DNAJB1: variants seen among roughly 807,000 people sequenced by gnomAD.
The protein encoded by DNAJB1 is dnaJ homolog subfamily B member 1.
Under a neutral mutation model 24.0 loss-of-function variants are expected in DNAJB1, and 14 were observed. The observed-to-expected ratio is 0.58, with a 90% CI of 0.39 to 0.91. The LOEUF is 0.91. Ranked by LOEUF, DNAJB1 falls within the 40% of genes least tolerant of loss-of-function variation. The probability of loss-of-function intolerance (pLI) is 0.00; values close to 1 mark genes in which losing one functional copy is unlikely to be tolerated. For synonymous variants in DNAJB1, 262 were observed against 174.4 expected, an observed-to-expected ratio of 1.50 and a Z score of -3.96; for missense variants, 517 against 458.1, an observed-to-expected ratio of 1.13 and a Z score of -1.17.
At chr19:14,556,016 C>A (rs2073708489) in intron 1 of DNAJB1, among the ~76,000 whole-genome samples, 1 of 152,182 alleles carries the variant, frequency 6.6e-6, no homozygotes, top group Non-Finnish European at 1.5e-5. Flanking sequence ...CAAGTCTCAT[C>A]CCTCCTCTGC....
intron 2 of DNAJB1, among the ~76,000 whole-genome samples, chr19:14,524,029 A>G (rs187188622): frequency 6.6e-6 from 1 of 152,242 alleles, no homozygotes; most frequent in Non-Finnish European, 1.5e-5. Context: ...CTATCATTAC[A>G]CCCATTTTAC....
At position 14,515,164 on chromosome 19, in the gene DNAJB1, T is replaced by C. The variant is rs1232218108; in HGVS notation, c.*776A>G. 2 of 152,566 alleles carry C rather than the reference T, an allele frequency of 1.3e-5. No homozygotes were observed. The highest frequency in any genetic ancestry group is 2.4e-5 in the African/African-American group (1 of 41,420). 9.5% of individuals were successfully genotyped at this position (152,566 alleles called of 1,614,324 possible). ...GTCCATAGTCCATGAAACAAAAAAT[T>C]ACCTGGGCCACTGGTAAGCCCCACG... On this transcript the variant is annotated 3_prime_UTR_variant, in exon 3 of 3. Transcript: ENST00000254322.
At chr19:14,554,330 A>G (rs2073643465), upstream of DNAJB1, among the ~76,000 whole-genome samples, 3 of 152,168 alleles carry the variant, frequency 2.0e-5, no homozygotes, top group Admixed American at 2.0e-4. Flanking sequence ...TAGGACACAC[A>G]GAAGTTTCAG....
chr19:14,540,038 C>T (rs931414994), intron 1 of DNAJB1, among the ~76,000 whole-genome samples: 4 of 151,242 alleles, frequency 2.6e-5, no homozygotes, highest in African/African-American at 9.7e-5. Flanking sequence ...CGCCACCATG[C>T]CTGGCTAATT....
At chr19:14,537,621 C>T (rs2072948383) in intron 1 of DNAJB1, among the ~76,000 whole-genome samples, 1 of 152,166 alleles carries the variant, frequency 6.6e-6, no homozygotes, top group Non-Finnish European at 1.5e-5. Context: ...GGTCTTAACA[C>T]CTTCTTGCTG....
rs71166754 is a variant in DNAJB1 at position 14,542,347 on chromosome 19, G to GTTTTTTTTTTTTTTTTTT, written c.-214+7843_-214+7860dup. Among the ~76,000 whole-genome samples, 12 of 43,300 alleles carry GTTTTTTTTTTTTTTTTTT rather than the reference G, an allele frequency of 2.8e-4. 2 individuals are homozygous for GTTTTTTTTTTTTTTTTTT. Among genetic ancestry groups the GTTTTTTTTTTTTTTTTTT allele is most frequent in the South Asian group, 9.3e-4 (1 of 1,080 alleles). 28.4% of individuals were successfully genotyped at this position (43,300 alleles called of 152,430 possible). ...CCTCAGGGGGCCCTCATGCCATAGT[G>GTTTTTTTTTTTTTTTTTT]TTTTTTTTTTTTTTTTTTTTTTTTT... On this transcript the variant is annotated intron_variant, in intron 1 of 3. Transcript: ENST00000676982.
chr19:14,550,349 C>T (rs150601058), upstream of DNAJB1, among the ~76,000 whole-genome samples: 2 of 152,170 alleles, frequency 1.3e-5, no homozygotes, highest in African/African-American at 2.4e-5. Context: ...AGTCTAGGCT[C>T]TTTGGCAAGC....
Position 14,516,453 on chromosome 19 carries a change from C to T in DNAJB1, c.792+13G>A. ...ATCGCCCTCTACAGACACCGCCCCACCTGGCACCTTACCTCCCGGAGGCTG... is the reference window on the plus strand; with the variant it reads ...ATCGCCCTCTACAGACACCGCCCCATCTGGCACCTTACCTCCCGGAGGCTG... On this transcript the variant is annotated intron_variant, in intron 2 of 2. Transcript: ENST00000254322. 6.2e-7 allele frequency: 1 copy of T among 1,608,428 alleles called. No homozygotes were observed. The highest frequency in any genetic ancestry group is 2.2e-5 in the East Asian group (1 of 44,770).
intron 2 of DNAJB1, among the ~76,000 whole-genome samples, chr19:14,525,631 A>G (rs2072411966): frequency 6.6e-6 from 1 of 152,202 alleles, no homozygotes. Context: ...GACAGAAAGC[A>G]GATGAATGCT....
At chr19:14,546,896 G>T (rs1197283978) in intron 1 of DNAJB1, among the ~76,000 whole-genome samples, 1 of 152,136 alleles carries the variant, frequency 6.6e-6, no homozygotes, top group Admixed American at 6.6e-5. Context: ...CACTATGTTG[G>T]CCAGGCTGGT....
chr19:14,518,464 C>T (rs1398183319), upstream of DNAJB1: 12 of 808,210 alleles, frequency 1.5e-5, no homozygotes, highest in Middle Eastern at 4.2e-4. Context: ...CCAGCCCCCT[C>T]CAGAACCTTC....
chr19:14,548,179 G>A (rs921452749), intron 1 of DNAJB1, among the ~76,000 whole-genome samples: 3 of 151,808 alleles, frequency 2.0e-5, no homozygotes, highest in Non-Finnish European at 4.4e-5. Flanking sequence ...AGCCAGGATC[G>A]TGTCGATCTC....
chr19:14,542,292 TC>T, intron 1 of DNAJB1, among the ~76,000 whole-genome samples: 1 of 148,098 alleles, frequency 6.8e-6, no homozygotes, highest in Admixed American at 6.9e-5. Flanking sequence ...CCTAAAAGAT[TC>T]CCTATTGGAG....
intron 1 of DNAJB1, chr19:14,536,816 G>A (rs1599419596): frequency 6.6e-6 from 1 of 152,074 alleles, no homozygotes; most frequent in African/African-American, 2.4e-5. Context: ...CGTTTCAAGG[G>A]TTTCTTGGTC....
At chr19:14,546,979 G>A (rs559937557) in intron 1 of DNAJB1, among the ~76,000 whole-genome samples, 2 of 152,216 alleles carry the variant, frequency 1.3e-5, no homozygotes, top group Non-Finnish European at 2.9e-5. Context: ...ACAGGCATGA[G>A]CCACTGCACC....
chr19:14,539,943 G>GAT (rs2073039189), intron 1 of DNAJB1, among the ~76,000 whole-genome samples: 1 of 151,346 alleles, frequency 6.6e-6, no homozygotes, highest in South Asian at 2.1e-4. Context: ...GCAGTGGTGG[G>GAT]ATTTTGGCTC....
At chr19:14,549,357 CAT>C (rs2073414328) in intron 1 of DNAJB1, among the ~76,000 whole-genome samples, 7 of 151,916 alleles carry the variant, frequency 4.6e-5, no homozygotes, top group East Asian at 1.9e-4. Flanking sequence ...GGACTACAGG[CAT>C]GCGCCACCAT....
At chr19:14,525,030 T>TG (rs1412266886) in intron 2 of DNAJB1, among the ~76,000 whole-genome samples, 2 of 151,978 alleles carry the variant, frequency 1.3e-5, no homozygotes, top group Non-Finnish European at 2.9e-5. Flanking sequence ...GGTCAAGAGA[T>TG]GGAGACCATC....
upstream of DNAJB1, among the ~76,000 whole-genome samples, chr19:14,551,396 G>C (rs2073499741): frequency 6.6e-6 from 1 of 152,194 alleles, no homozygotes; most frequent in South Asian, 2.1e-4. Context: ...TTTGTGTAGA[G>C]AAGGAGTTTT....
Sources: gnomAD v4.1 joint callset for allele counts (sites outside exome capture counted in the v4.1 genomes callset) on GRCh38, gnomAD v4.1.1 for gene constraint, MANE v1.5 for transcripts, NCBI Gene and HGNC (gene_info 2026-07-23, HGNC 2026-07-21) for gene names.